The following INPP4B variants were observed in gnomAD, a reference collection of about 807,000 sequenced individuals.
The protein encoded by INPP4B is inositol polyphosphate 4-phosphatase type II.
A neutral mutation model predicts 122.5 loss-of-function variants in INPP4B; 55 were observed. That is an observed-to-expected ratio of 0.45 (90% CI 0.36 to 0.56). The LOEUF (loss-of-function observed/expected upper bound fraction) is 0.56. INPP4B is among the 20% of genes least tolerant of loss of function. The probability of loss-of-function intolerance (pLI) is 0.00; values close to 1 mark genes in which losing one functional copy is unlikely to be tolerated. For synonymous variants in INPP4B, 403 were observed against 388.7 expected, an observed-to-expected ratio of 1.04 and a Z score of -0.43; for missense variants, 1,000 against 1,097.7, an observed-to-expected ratio of 0.91 and a Z score of 1.26.
At chr4:142,759,755 G>A (rs1167136621) in intron 1 of INPP4B, among the ~76,000 whole-genome samples, 1 of 141,082 alleles carries the variant, frequency 7.1e-6, no homozygotes, top group East Asian at 2.1e-4. Flanking sequence ...GTTAAGTGAT[G>A]TGTCCGAGAT....
In INPP4B at chr4:142,237,874, C is replaced by T; in HGVS notation, c.826G>A (p.Asp276Asn). Residue 276 changes from aspartate (D) to asparagine (N), a missense_variant, in exon 12 of 26, where the codon GAT becomes AAT. By Grantham distance (23) the Asp-to-Asn change is conservative. Transcript: ENST00000262992. ...GTTATTTTCTCTTACCTGCACAAAT[C>T]TTCTTTAATGTGAAGGGAAATCAAT... ...KELISLHIKE[D>N]LCRNQEIKEL... 1 of 1,554,542 alleles carries T rather than the reference C, an allele frequency of 6.4e-7. No homozygotes were observed. The highest frequency in any genetic ancestry group is 1.7e-5 in the Admixed American group (1 of 57,968).
chr4:142,312,462 T>C (rs1765879692), intron 8 of INPP4B, among the ~76,000 whole-genome samples: 1 of 152,158 alleles, frequency 6.6e-6, no homozygotes, highest in Admixed American at 6.5e-5. Flanking sequence ...TAAACCACGT[T>C]TACCTCCACT....
intron 2 of INPP4B, among the ~76,000 whole-genome samples, chr4:142,716,129 C>G (rs1044807961): frequency 6.6e-6 from 1 of 152,182 alleles, no homozygotes; most frequent in African/African-American, 2.4e-5. Flanking sequence ...CAAACCCACT[C>G]AGGTTCAAGG....
At chr4:142,128,315 T>C (rs1799567094) in intron 18 of INPP4B, among the ~76,000 whole-genome samples, 1 of 150,408 alleles carries the variant, frequency 6.6e-6, no homozygotes, top group Non-Finnish European at 1.5e-5. Context: ...AGAGTGGATG[T>C]GTGTATTTCA....
intron 25 of INPP4B, among the ~76,000 whole-genome samples, chr4:142,041,471 A>G (rs1405827654): frequency 1.3e-5 from 2 of 152,040 alleles, no homozygotes; most frequent in Non-Finnish European, 2.9e-5. Flanking sequence ...TACAAAAATT[A>G]GCTGGGCTTG....
intron 7 of INPP4B, among the ~76,000 whole-genome samples, chr4:142,364,052 A>G (rs1786498210): frequency 6.6e-6 from 1 of 152,020 alleles, no homozygotes; most frequent in Non-Finnish European, 1.5e-5. Flanking sequence ...AAAGCAATAT[A>G]GCTTTGTTAC....
intron 7 of INPP4B, among the ~76,000 whole-genome samples, chr4:142,338,122 C>T (rs1270581008): frequency 6.6e-6 from 1 of 152,138 alleles, no homozygotes; most frequent in Non-Finnish European, 1.5e-5. Flanking sequence ...GAAACTTTCC[C>T]TTACACAGAA....
intron 2 of INPP4B, among the ~76,000 whole-genome samples, chr4:142,718,797 G>T (rs1286727091): frequency 6.6e-6 from 1 of 152,026 alleles, no homozygotes; most frequent in Non-Finnish European, 1.5e-5. Context: ...CCTTTTTACT[G>T]GTAGTTCTAA....
At chr4:142,155,832 C>T (rs143697415) in intron 17 of INPP4B, among the ~76,000 whole-genome samples, 1,778 of 151,410 alleles carry the variant, frequency 0.012, 19 homozygotes, top group Non-Finnish European at 0.017. Flanking sequence ...TACAGAATGG[C>T]CACAGATTTT....
At chr4:142,152,955 C>G (rs1001401812) in intron 17 of INPP4B, among the ~76,000 whole-genome samples, 1 of 152,090 alleles carries the variant, frequency 6.6e-6, no homozygotes, top group Non-Finnish European at 1.5e-5. Context: ...ACTTACTAAT[C>G]TGTTATTTGG....
At chr4:142,209,872 C>T (rs1224862462) in intron 12 of INPP4B, among the ~76,000 whole-genome samples, 2 of 144,174 alleles carry the variant, frequency 1.4e-5, no homozygotes, top group African/African-American at 2.5e-5. Context: ...GCTTCAGTTT[C>T]TGCCAAAAGG....
intron 2 of INPP4B, among the ~76,000 whole-genome samples, chr4:142,607,482 A>T (rs1380909529): frequency 1.3e-5 from 2 of 152,078 alleles, no homozygotes; most frequent in Non-Finnish European, 2.9e-5. Context: ...CCTGGCTGAC[A>T]TAAAGCTTGA....
intron 6 of INPP4B, 73 bp from the exon 7 acceptor site, chr4:142,403,127 T>C: frequency 1.2e-6 from 1 of 803,694 alleles, no homozygotes; most frequent in Non-Finnish European, 2.2e-6. Context: ...AAGTGACACA[T>C]GAGAATGCAG....
At chr4:142,136,096 G>C (rs907848998) in intron 18 of INPP4B, among the ~76,000 whole-genome samples, 2 of 152,116 alleles carry the variant, frequency 1.3e-5, no homozygotes, top group Non-Finnish European at 2.9e-5. Flanking sequence ...CGTGCCCGGA[G>C]GGTGCTTTTT....
intron 12 of INPP4B, among the ~76,000 whole-genome samples, chr4:142,223,192 GCACACA>G (rs147785040): frequency 1.0e-4 from 15 of 147,002 alleles, no homozygotes; most frequent in African/African-American, 2.2e-4. Flanking sequence ...ATATGTGCAT[GCACACA>G]CACACACACA....
chr4:142,251,927 A>G (rs1732319731), intron 11 of INPP4B, among the ~76,000 whole-genome samples: 1 of 152,224 alleles, frequency 6.6e-6, no homozygotes, highest in Admixed American at 6.5e-5. Flanking sequence ...TAGAAAAAAG[A>G]GTAAGGTATT....
intron 25 of INPP4B, among the ~76,000 whole-genome samples, chr4:142,042,778 G>A (rs764265284): frequency 2.0e-5 from 3 of 152,072 alleles, no homozygotes; most frequent in Non-Finnish European, 2.9e-5. Context: ...GGTCAAGCTG[G>A]TCTTAAACTC....
intron 1 of INPP4B, among the ~76,000 whole-genome samples, chr4:142,825,891 T>G (rs993098790): frequency 6.6e-6 from 1 of 151,996 alleles, no homozygotes; most frequent in Non-Finnish European, 1.5e-5. Context: ...AAATGTAGAG[T>G]CTAAAAGTCC....
At chr4:142,682,221 G>C (rs960114029) in intron 2 of INPP4B, among the ~76,000 whole-genome samples, 6 of 151,766 alleles carry the variant, frequency 4.0e-5, no homozygotes, top group Admixed American at 3.9e-4. Flanking sequence ...TTCCCCTCCA[G>C]AGAGAATATT....
Sources: gnomAD v4.1 joint callset for allele counts (sites outside exome capture counted in the v4.1 genomes callset) on GRCh38, gnomAD v4.1.1 for gene constraint, MANE v1.5 for transcripts, NCBI Gene and HGNC (gene_info 2026-07-23, HGNC 2026-07-21) for gene names.